LPP: variants seen among roughly 807,000 people sequenced by gnomAD.
The protein encoded by LPP is lipoma-preferred partner.
In LPP, 38 loss-of-function variants were observed where a neutral mutation model predicts 60.4. That is an observed-to-expected ratio of 0.63 (90% CI 0.49 to 0.83). The LOEUF (loss-of-function observed/expected upper bound fraction) is 0.83, where lower values mean the gene tolerates loss of function less well. Ranked by LOEUF, LPP falls within the 40% of genes least tolerant of loss-of-function variation. LPP has a pLI of 0.00. For synonymous variants in LPP, 328 were observed against 290.8 expected, an observed-to-expected ratio of 1.13 and a Z score of -1.30; for missense variants, 902 against 783.6, an observed-to-expected ratio of 1.15 and a Z score of -1.80.
intron 1 of LPP, among the ~76,000 whole-genome samples, chr3:188,160,854 G>A (rs1718049513): frequency 6.6e-6 from 1 of 152,220 alleles, no homozygotes; most frequent in Admixed American, 6.5e-5. Flanking sequence ...AAAGTAATGA[G>A]CAAAGGGCTA....
At chr3:188,523,970 T>C (rs1360392699) in intron 5 of LPP, among the ~76,000 whole-genome samples, 1 of 152,172 alleles carries the variant, frequency 6.6e-6, no homozygotes, top group African/African-American at 2.4e-5. Flanking sequence ...TGTGTCGATG[T>C]TGTTGTCCTC....
At chr3:188,307,306 T>C (rs945434874) in intron 2 of LPP, among the ~76,000 whole-genome samples, 4 of 152,180 alleles carry the variant, frequency 2.6e-5, no homozygotes, top group African/African-American at 9.7e-5. Flanking sequence ...CCTGGTGGTA[T>C]GTTAGAATGA....
chr3:188,252,290 TC>T (rs1399587981), intron 2 of LPP, among the ~76,000 whole-genome samples: 1 of 147,378 alleles, frequency 6.8e-6, no homozygotes, highest in Non-Finnish European at 1.5e-5. Context: ...AAATTTTTTT[TC>T]TTTTTTTTTG....
At chr3:188,828,133 T>A (rs1756073093) in intron 9 of LPP, among the ~76,000 whole-genome samples, 2 of 152,080 alleles carry the variant, frequency 1.3e-5, no homozygotes, top group Non-Finnish European at 2.9e-5. Context: ...GACAAAAAAA[T>A]AATACCCTGG....
chr3:188,247,884 A>G (rs1727576515), intron 2 of LPP, among the ~76,000 whole-genome samples: 1 of 152,084 alleles, frequency 6.6e-6, no homozygotes, highest in South Asian at 2.1e-4. Context: ...CCTAAGACTT[A>G]GTGGATGTAG....
intron 3 of LPP, among the ~76,000 whole-genome samples, chr3:188,384,437 A>G (rs1777684868): frequency 6.6e-6 from 1 of 151,978 alleles, no homozygotes. Context: ...GGCAACCCTG[A>G]TGATCCAGGT....
At chr3:188,690,366 T>A (rs1443472101) in intron 7 of LPP, among the ~76,000 whole-genome samples, 1 of 152,222 alleles carries the variant, frequency 6.6e-6, no homozygotes, top group Admixed American at 6.5e-5. Flanking sequence ...CTTCTTAGTA[T>A]GCCACAGTAA....
At chr3:188,708,242 GGACT>G in intron 7 of LPP, 21 bp from the exon 8 acceptor site, 1 of 1,613,104 alleles carries the variant, frequency 6.2e-7, no homozygotes, top group Non-Finnish European at 8.5e-7. Flanking sequence ...GGCAATTAAA[GGACT>G]GTGTGCTTTC....
intron 7 of LPP, among the ~76,000 whole-genome samples, chr3:188,612,280 T>C (rs1347814478): frequency 6.6e-6 from 1 of 152,156 alleles, no homozygotes; most frequent in Non-Finnish European, 1.5e-5. Context: ...GATGAAGTTA[T>C]GGATAAATTC....
At chr3:188,299,320 G>A (rs1748968176) in intron 2 of LPP, among the ~76,000 whole-genome samples, 1 of 152,174 alleles carries the variant, frequency 6.6e-6, no homozygotes, top group African/African-American at 2.4e-5. Context: ...AAACCTGTCT[G>A]ATCAATGGGA....
At chr3:188,861,058 T>C (rs1327749914) in intron 9 of LPP, among the ~76,000 whole-genome samples, 1 of 152,188 alleles carries the variant, frequency 6.6e-6, no homozygotes, top group African/African-American at 2.4e-5. Flanking sequence ...AGAATCATGG[T>C]TTTCAGATAG....
intron 3 of LPP, among the ~76,000 whole-genome samples, chr3:188,384,089 T>A (rs1395844546): frequency 6.6e-6 from 1 of 152,218 alleles, no homozygotes; most frequent in East Asian, 1.9e-4. Flanking sequence ...GGTACTCCAT[T>A]GTTTTAATTC....
intron 7 of LPP, among the ~76,000 whole-genome samples, chr3:188,662,002 T>C (rs929157154): frequency 2.0e-5 from 3 of 152,208 alleles, no homozygotes; most frequent in Admixed American, 2.0e-4. Context: ...AACATGAACA[T>C]TTCAACATCT....
At chr3:188,187,947 T>C (rs1313792266) in intron 1 of LPP, among the ~76,000 whole-genome samples, 1 of 152,222 alleles carries the variant, frequency 6.6e-6, no homozygotes, top group Admixed American at 6.5e-5. Context: ...TCTAGTTTAT[T>C]TTTTAATTCC....
At chr3:188,289,681 G>A (rs1228284678) in intron 2 of LPP, among the ~76,000 whole-genome samples, 2 of 151,976 alleles carry the variant, frequency 1.3e-5, no homozygotes, top group African/African-American at 4.8e-5. Flanking sequence ...CGAATAAGCA[G>A]GTACATACGT....
chr3:188,866,416 C>G, intron 10 of LPP, 38 bp downstream of exon 10: 2 of 1,391,086 alleles, frequency 1.4e-6, no homozygotes, highest in Admixed American at 2.6e-5. Flanking sequence ...CCTGCCAGTC[C>G]TTTTGGAGTC....
chr3:188,561,199 C>A (rs1324851337), intron 6 of LPP, among the ~76,000 whole-genome samples: 6 of 152,060 alleles, frequency 3.9e-5, no homozygotes, highest in Non-Finnish European at 8.8e-5. Context: ...CTTTAAATTC[C>A]TTATTAAGCC....
intron 2 of LPP, among the ~76,000 whole-genome samples, chr3:188,287,871 G>T (rs1410049071): frequency 6.6e-6 from 1 of 152,036 alleles, no homozygotes; most frequent in Non-Finnish European, 1.5e-5. Context: ...ATACTAATAA[G>T]GCTGTCTGAT....
chr3:188,383,716 T>C (rs1480934769), intron 3 of LPP, among the ~76,000 whole-genome samples: 1 of 152,224 alleles, frequency 6.6e-6, no homozygotes, highest in Non-Finnish European at 1.5e-5. Flanking sequence ...ATGTTTCAAT[T>C]ATAATATATG....
Sources: gnomAD v4.1 joint callset for allele counts (sites outside exome capture counted in the v4.1 genomes callset) on GRCh38, gnomAD v4.1.1 for gene constraint, MANE v1.5 for transcripts, NCBI Gene and HGNC (gene_info 2026-07-23, HGNC 2026-07-21) for gene names.